The following TBC1D5 variants were observed in gnomAD, a reference collection of about 807,000 sequenced individuals.
TBC1D5 encodes TBC1 domain family, member 5.
Under a neutral mutation model 100.3 loss-of-function variants are expected in TBC1D5, and 75 were observed. The ratio of observed to expected loss-of-function variants is 0.75; its 90% confidence interval spans 0.62 to 0.91. The LOEUF is 0.91. TBC1D5 is among the 40% of genes least tolerant of loss of function. The probability of loss-of-function intolerance (pLI) is 0.00; values close to 1 mark genes in which losing one functional copy is unlikely to be tolerated. For synonymous variants in TBC1D5, 323 were observed against 325.6 expected (o/e 0.99, Z 0.09); for missense variants, 910 against 942.4 (o/e 0.97, Z 0.45).
intron 15 of TBC1D5, among the ~76,000 whole-genome samples, chr3:17,264,378 A>G (rs2078645612): frequency 6.6e-6 from 1 of 152,202 alleles, no homozygotes; most frequent in South Asian, 2.1e-4. Flanking sequence ...ATCATCAAAT[A>G]GAGATTACAG....
intron 2 of TBC1D5, among the ~76,000 whole-genome samples, chr3:17,589,939 G>A (rs1433877690): frequency 6.6e-6 from 1 of 152,136 alleles, no homozygotes; most frequent in African/African-American, 2.4e-5. Flanking sequence ...TTTATAAAAG[G>A]AGATGTGATA....
At chr3:17,397,800 G>A (rs1254366528) in intron 8 of TBC1D5, among the ~76,000 whole-genome samples, 1 of 152,118 alleles carries the variant, frequency 6.6e-6, no homozygotes, top group Non-Finnish European at 1.5e-5. Flanking sequence ...ATCAAATATT[G>A]AAGATGATAA....
intron 3 of TBC1D5, among the ~76,000 whole-genome samples, chr3:17,488,606 G>C (rs2095599554): frequency 6.6e-6 from 1 of 152,102 alleles, no homozygotes; most frequent in African/African-American, 2.4e-5. Flanking sequence ...CAATAAATAA[G>C]AGTTTCTGTT....
At chr3:17,472,766 A>C (rs73153027) in intron 3 of TBC1D5, among the ~76,000 whole-genome samples, 12,187 of 152,272 alleles carry the variant, frequency 0.08, 1,010 homozygotes, top group African/African-American at 0.22. Context: ...AATATTAAAT[A>C]TTACAATAAA....
At chr3:17,723,234 ATG>A (rs1386590912) in intron 1 of TBC1D5, among the ~76,000 whole-genome samples, 2 of 152,194 alleles carry the variant, frequency 1.3e-5, no homozygotes, top group Non-Finnish European at 2.9e-5. Flanking sequence ...CCCATTCTCT[ATG>A]TGTGATTATT....
intron 3 of TBC1D5, among the ~76,000 whole-genome samples, chr3:17,440,037 T>C (rs2094617452): frequency 6.6e-6 from 1 of 152,164 alleles, no homozygotes; most frequent in African/African-American, 2.4e-5. Context: ...GTTGAACACT[T>C]ACAGTATTCA....
chr3:17,523,549 G>C (rs2096087945), intron 2 of TBC1D5, among the ~76,000 whole-genome samples: 2 of 152,094 alleles, frequency 1.3e-5, no homozygotes, highest in Admixed American at 1.3e-4. Context: ...AAGTTGACCA[G>C]AGGTCAACTC....
At chr3:17,285,180 T>C (rs1021728224) in intron 15 of TBC1D5, among the ~76,000 whole-genome samples, 6 of 150,828 alleles carry the variant, frequency 4.0e-5, no homozygotes, top group Admixed American at 2.0e-4. Context: ...GCTGGAAGCA[T>C]TATGAAAAGT....
intron 13 of TBC1D5, among the ~76,000 whole-genome samples, chr3:17,327,412 A>C (rs1206496127): frequency 6.6e-6 from 1 of 152,196 alleles, no homozygotes; most frequent in Non-Finnish European, 1.5e-5. Context: ...TATGTCCTTA[A>C]AATGGCTTTC....
chr3:17,466,116 C>T (rs977434321), intron 3 of TBC1D5, among the ~76,000 whole-genome samples: 2 of 152,166 alleles, frequency 1.3e-5, no homozygotes, highest in South Asian at 2.1e-4. Flanking sequence ...TACTCAGGAA[C>T]GTAGACTGTT....
chr3:17,670,210 TAA>T, intron 1 of TBC1D5, among the ~76,000 whole-genome samples: 1 of 152,228 alleles, frequency 6.6e-6, no homozygotes, highest in East Asian at 1.9e-4. Flanking sequence ...GTTTTTACGT[TAA>T]AGCTGAAAAA....
chr3:17,731,336 A>G (rs1381497186), intron 1 of TBC1D5, among the ~76,000 whole-genome samples: 1 of 152,048 alleles, frequency 6.6e-6, no homozygotes, highest in Non-Finnish European at 1.5e-5. Flanking sequence ...CCCCATCTCT[A>G]ATAAAAATAC....
chr3:17,161,573 G>T (rs771338797), intron 21 of TBC1D5, among the ~76,000 whole-genome samples: 12 of 152,236 alleles, frequency 7.9e-5, no homozygotes, highest in Non-Finnish European at 1.2e-4. Flanking sequence ...CTCAGGAGAT[G>T]GCCAATAGGT....
intron 18 of TBC1D5, among the ~76,000 whole-genome samples, chr3:17,186,710 CAAAAAAAAAAAAAAAAAAAA>C (rs58438478): frequency 5.5e-4 from 15 of 27,284 alleles, no homozygotes; most frequent in African/African-American, 1.3e-3. Flanking sequence ...ACTCTATCTC[CAAAAAAAAAAAAAAAAAAAA>C]AAAAAAAAAA....
intron 3 of TBC1D5, among the ~76,000 whole-genome samples, chr3:17,502,246 T>C (rs1350656815): frequency 1.3e-5 from 2 of 149,832 alleles, no homozygotes; most frequent in African/African-American, 5.1e-5. Context: ...ATATGAAATA[T>C]ACAGAGTGCT....
At chr3:17,590,062 C>G (rs992542814) in intron 2 of TBC1D5, among the ~76,000 whole-genome samples, 1 of 152,196 alleles carries the variant, frequency 6.6e-6, no homozygotes, top group Non-Finnish European at 1.5e-5. Flanking sequence ...CCCACTCCCC[C>G]CTACAACATT....
chr3:17,158,499 T>C (rs1408164265), exon 22 of TBC1D5: 1 of 152,202 alleles, frequency 6.6e-6, no homozygotes, highest in Admixed American at 6.5e-5. Flanking sequence ...TTAAAAAACA[T>C]AAGGCAGTAA....
At chr3:17,542,244 T>C (rs571132234) in intron 2 of TBC1D5, among the ~76,000 whole-genome samples, 3 of 152,102 alleles carry the variant, frequency 2.0e-5, no homozygotes, top group Non-Finnish European at 2.9e-5. Flanking sequence ...TGAGCTGAGA[T>C]TGCACCACTG....
At position 17,299,430 on chromosome 3, in the gene TBC1D5, G is replaced by A. The variant is rs185730021; in HGVS notation, c.1139-7429C>T. On this transcript the variant is annotated intron_variant, in intron 14 of 21. Coordinates refer to ENST00000253692, the Ensembl canonical transcript of TBC1D5. ...CTTAAACTGCAGATAAGGAGGGACT[G>A]CTGTATGTATGATACTATAATGATG... Among the ~76,000 whole-genome samples the A allele has an allele frequency of 1.7e-3, 264 of 152,290 alleles. 2 individuals carry two copies. Among genetic ancestry groups the A allele is most frequent in the Non-Finnish European group, 2.7e-3 (181 of 68,024 alleles).
Sources: allele counts gnomAD v4.1 joint callset (sites outside exome capture counted in the v4.1 genomes callset), GRCh38; gene constraint gnomAD v4.1.1; transcripts MANE v1.5; gene names NCBI Gene and HGNC (gene_info 2026-07-23, HGNC 2026-07-21).